The following C2orf42 variants were observed in gnomAD, a reference collection of about 807,000 sequenced individuals.
C2orf42 encodes the protein chromosome 2 open reading frame 42.
C2orf42 carries 44 observed loss-of-function variants against 58.9 expected under a neutral mutation model. The observed-to-expected ratio is 0.75, with a 90% CI of 0.59 to 0.96. The LOEUF (loss-of-function observed/expected upper bound fraction) is 0.96. C2orf42 is among the 40% of genes least tolerant of loss of function. The pLI, the probability that C2orf42 is intolerant of heterozygous loss-of-function variation, is 0.00. For synonymous variants in C2orf42, 239 were observed against 265.4 expected (o/e 0.90, Z 0.97); for missense variants, 630 against 699.2 (o/e 0.90, Z 1.12).
At position 70,175,675 on chromosome 2, in the gene C2orf42, T is replaced by C. The variant is rs1674140799; in HGVS notation, c.1037A>G (p.Gln346Arg). The C allele has an allele frequency of 6.3e-7, 1 of 1,595,826 alleles. No homozygotes were observed. Residue 346 changes from glutamine to arginine, a missense_variant and splice_region_variant, in exon 5 of 10, where the codon CAG becomes CGG. Physicochemically the swap from Gln to Arg is conservative, Grantham distance 43 (BLOSUM62 1). Transcript: ENST00000264434. ...KPVVASSLKR[Q>R]ACGQLLDEAQ... ...TATTCTAGGGAAGGGAAACTTACCC[T>C]GCCTTTTTAACGAGGAAGCAACCAC...
chr2:70,173,323 G>C (rs533220269), intron 5 of C2orf42, among the ~76,000 whole-genome samples: 56 of 140,632 alleles, frequency 4.0e-4, no homozygotes, highest in Non-Finnish European at 6.7e-4. Flanking sequence ...GCCCAGGCTG[G>C]AGTCTAGTAG....
At chr2:70,190,869 A>AC (rs1212516717) in intron 1 of C2orf42, 104 bp downstream of exon 1, 1 of 151,734 alleles carries the variant, frequency 6.6e-6, no homozygotes, top group Non-Finnish European at 1.5e-5. Flanking sequence ...CGAGCTCTAC[A>AC]CCCCTGCCCC....
At chr2:70,155,504 A>G (rs1291793080) in intron 9 of C2orf42, among the ~76,000 whole-genome samples, 1 of 152,154 alleles carries the variant, frequency 6.6e-6, no homozygotes, top group African/African-American at 2.4e-5. Context: ...TACTTTTGAA[A>G]AATACAAAAT....
rs375728510 is a variant in C2orf42, at chr2:70,184,614, G to A, written c.-281-1679C>T. 2.3e-4 allele frequency among the ~76,000 whole-genome samples: 34 copies of A among 148,692 alleles called. No individual in the cohort carries two copies. The South Asian group carries it at 7.2e-3, about 32-fold the overall frequency. The stretch of plus-strand genomic sequence containing the variant: ...TCCTGCCTCAGACTCTCAAATAGCT[G>A]AGACCACAGGTACGTGCCACTACAC... On this transcript the variant is annotated intron_variant, in intron 1 of 9. Transcript: ENST00000264434.
At chr2:70,184,925 C>T (rs1242528509) in intron 1 of C2orf42, among the ~76,000 whole-genome samples, 2 of 150,658 alleles carry the variant, frequency 1.3e-5, no homozygotes, top group African/African-American at 4.9e-5. Flanking sequence ...CCTGTCTCTA[C>T]TAAAAATACA....
chr2:70,168,038 G>T (rs1268774443), intron 6 of C2orf42, among the ~76,000 whole-genome samples: 1 of 151,932 alleles, frequency 6.6e-6, no homozygotes, highest in Admixed American at 6.6e-5. Context: ...TTCAAGACCA[G>T]CCTGGTTAAC....
chr2:70,185,836 A>C (rs1023187142), intron 1 of C2orf42, among the ~76,000 whole-genome samples: 5 of 151,708 alleles, frequency 3.3e-5, no homozygotes, highest in Non-Finnish European at 7.4e-5. Flanking sequence ...TGCTTTGTGA[A>C]ATAAGATGCA....
chr2:70,173,488 G>C (rs1673971821), intron 5 of C2orf42, among the ~76,000 whole-genome samples: 1 of 151,956 alleles, frequency 6.6e-6, no homozygotes, highest in South Asian at 2.1e-4. Flanking sequence ...TGTTGGCCAG[G>C]CTGGTCTCAA....
chr2:70,165,633 T>C lies in C2orf42; in HGVS notation c.1147A>G (p.Lys383Glu). The C allele has an allele frequency of 6.3e-7, 1 of 1,575,386 alleles. No homozygotes were observed. The highest frequency in any genetic ancestry group is 1.1e-5 in the South Asian group (1 of 89,918). ...HQTMHYQFDGKPEPLVFHIPQ... is the reference protein window; with the variant it reads ...HQTMHYQFDGEPEPLVFHIPQ... ...ATGTGGAACACCAATGGTTCTGGTT[T>C]GCCTATGGGAAACAAGAAGAAACAA... The change falls in exon 7 of 10, where the codon AAA becomes GAA. Residue 383 changes from lysine to glutamate, a missense_variant and splice_region_variant. Transcript: ENST00000264434.
intron 1 of C2orf42, among the ~76,000 whole-genome samples, chr2:70,185,269 G>A (rs556153636): frequency 3.9e-5 from 6 of 152,004 alleles, no homozygotes; most frequent in South Asian, 2.1e-4. Flanking sequence ...TTATCTGGGC[G>A]TGGTGGTGCA....
chr2:70,164,006 A>ATT (rs111670730), intron 8 of C2orf42, among the ~76,000 whole-genome samples: 51 of 146,196 alleles, frequency 3.5e-4, no homozygotes, highest in African/African-American at 1.2e-3. Flanking sequence ...CCTATCTTAA[A>ATT]TTTTTTTTTT....
intron 1 of C2orf42, chr2:70,190,122 ACT>A (rs1675248539): frequency 6.6e-6 from 1 of 152,106 alleles, no homozygotes; most frequent in Admixed American, 6.6e-5. Flanking sequence ...CTTCCTAGAG[ACT>A]CTATATCGAA....
intron 3 of C2orf42, among the ~76,000 whole-genome samples, chr2:70,180,013 C>T (rs959537286): frequency 3.9e-5 from 6 of 152,060 alleles, no homozygotes; most frequent in Non-Finnish European, 8.8e-5. Flanking sequence ...TTCCTTGGGC[C>T]GGGTGCGGTG....
In C2orf42 at chr2:70,181,707, C is replaced by G; in HGVS notation, c.279G>C (p.Gly93=). The G allele has an allele frequency of 6.2e-7, 1 of 1,614,144 alleles. No individual in the cohort carries two copies. Among genetic ancestry groups the G allele is most frequent in the Non-Finnish European group, 8.5e-7 (1 of 1,180,044 alleles). The change falls in exon 3 of 10, where the codon GGG becomes GGC. Residue 93 remains glycine (G), a synonymous_variant. Coordinates refer to ENST00000264434, the MANE Select transcript of C2orf42 (RefSeq NM_017880.3). ...GPDYRCFVEL[G]VSETTIQTVD... ...CTGTCTGGATTGTTGTCTCTGAAAC[C>G]CCGAGCTCCACAAAGCATCGGTAAT...
chr2:70,189,406 CAAAAAAAAAAAAA>C (rs1182514916), intron 1 of C2orf42, among the ~76,000 whole-genome samples: 2 of 27,142 alleles, frequency 7.4e-5, no homozygotes, highest in East Asian at 1.7e-3. Context: ...AACTCCATCT[CAAAAAAAAAAAAA>C]AAAAAAAAAA....
chr2:70,161,285 G>A (rs969161105), intron 8 of C2orf42, among the ~76,000 whole-genome samples: 2 of 152,152 alleles, frequency 1.3e-5, no homozygotes, highest in Non-Finnish European at 2.9e-5. Flanking sequence ...TTTCTCACGG[G>A]CAAAATGCAG....
intron 9 of C2orf42, among the ~76,000 whole-genome samples, chr2:70,157,261 T>G (rs966538051): frequency 2.7e-5 from 4 of 150,812 alleles, no homozygotes; most frequent in Middle Eastern, 3.5e-3. Flanking sequence ...GAGACCATCC[T>G]GGCTAACATG....
chr2:70,169,444 A>G, intron 6 of C2orf42, 113 bp downstream of exon 6: 1 of 484,734 alleles, frequency 2.1e-6, no homozygotes, highest in East Asian at 3.1e-5. Context: ...CTTGTGGCCC[A>G]GTGCTCTCTG....
chr2:70,184,401 TC>T (rs1674784884), intron 1 of C2orf42, among the ~76,000 whole-genome samples: 1 of 151,682 alleles, frequency 6.6e-6, no homozygotes, highest in African/African-American at 2.4e-5. Flanking sequence ...GGTTTTGAAC[TC>T]CTGACCTCCA....
Sources: allele counts gnomAD v4.1 joint callset (sites outside exome capture counted in the v4.1 genomes callset), GRCh38; gene constraint gnomAD v4.1.1; transcripts MANE v1.5; gene names NCBI Gene and HGNC (gene_info 2026-07-23, HGNC 2026-07-21).